Variants in ASCC3 observed in about 807,000 individuals in gnomAD.
The protein encoded by ASCC3 is activating signal cointegrator 1 complex subunit 3.
ASCC3 carries 158 observed loss-of-function variants against 256.3 expected under a neutral mutation model. The observed-to-expected ratio is 0.62, with a 90% CI of 0.54 to 0.70. ASCC3 has a LOEUF of 0.70. Ranked by LOEUF, ASCC3 falls within the 30% of genes least tolerant of loss-of-function variation. ASCC3 has a pLI of 0.00. For missense variants in ASCC3, 2,259 were observed against 2,626.0 expected (o/e 0.86, Z 3.05); for synonymous variants, 948 against 883.4 (o/e 1.07, Z -1.30).
At chr6:100,571,993 G>C (rs1770614466) in intron 36 of ASCC3, among the ~76,000 whole-genome samples, 2 of 152,184 alleles carry the variant, frequency 1.3e-5, no homozygotes, top group African/African-American at 2.4e-5. Flanking sequence ...CACCACAAAA[G>C]ATATAGCTCT....
chr6:100,540,390 G>T lies in ASCC3; in HGVS notation c.5551-3C>A. On this transcript the variant is annotated splice_polypyrimidine_tract_variant and splice_region_variant and intron_variant, in intron 36 of 41. Transcript: ENST00000369162. The stretch of plus-strand genomic sequence containing the variant: ...AAATCTGTATATTCTTCTGCATCCT[G>T]AAAAAAAAAAAAAGCCCCACATTGT... The T allele has an allele frequency of 6.0e-6, 8 of 1,327,140 alleles. No homozygotes were observed. The highest frequency in any genetic ancestry group is 2.0e-5 in the Admixed American group (1 of 51,188). 82.2% of individuals were successfully genotyped at this position (1,327,140 alleles called of 1,614,324 possible). A position where few individuals can be genotyped will look rare whatever the true frequency, so the allele number is the denominator to read the frequency against.
At chr6:100,695,994 AG>A (rs755129322) in intron 13 of ASCC3, among the ~76,000 whole-genome samples, 94 of 152,286 alleles carry the variant, frequency 6.2e-4, no homozygotes, top group Non-Finnish European at 1.1e-3. Flanking sequence ...CTTATTTAAC[AG>A]GTCTCTGACT....
chr6:100,867,929 A>G lies in ASCC3; in HGVS notation c.69T>C (p.Asn23=), dbSNP rs148255143. The G allele has an allele frequency of 3.1e-6, 5 of 1,613,548 alleles. No homozygotes were observed. The highest frequency in any genetic ancestry group is 2.2e-5 in the East Asian group (1 of 44,836). ...CTACCTTTAAGTCAGCCACTTCTTC[A>G]TTATAATTATCTTGCTTGGTGACAT... ...FSNVTKQDNY[N]EEVADLKIKR... Residue 23 remains asparagine (N), a synonymous_variant, in exon 2 of 42, where the codon AAT becomes AAC. Coordinates refer to ENST00000369162, the MANE Select transcript of ASCC3 (RefSeq NM_006828.4).
At chr6:100,758,402 T>C (rs1781284073) in intron 10 of ASCC3, among the ~76,000 whole-genome samples, 1 of 152,036 alleles carries the variant, frequency 6.6e-6, no homozygotes, top group African/African-American at 2.4e-5. Context: ...CTGGTGTGTG[T>C]TGTTCCCCTC....
chr6:100,825,273 ATTTTTTT>A (rs71028036), intron 4 of ASCC3, among the ~76,000 whole-genome samples: 2 of 141,360 alleles, frequency 1.4e-5, no homozygotes, highest in East Asian at 4.2e-4. Flanking sequence ...TTCTTTTGTG[ATTTTTTT>A]TTTTTTTTTT....
intron 14 of ASCC3, among the ~76,000 whole-genome samples, chr6:100,665,525 C>A (rs1776421533): frequency 6.6e-6 from 1 of 151,744 alleles, no homozygotes; most frequent in South Asian, 2.1e-4. Flanking sequence ...GAGATGAAGA[C>A]CATCCTGGCT....
intron 35 of ASCC3, 53 bp downstream of exon 35, chr6:100,589,895 T>C (rs1269476004): frequency 2.4e-5 from 39 of 1,592,080 alleles, no homozygotes; most frequent in Non-Finnish European, 2.3e-5. Context: ...GCAAAAGACC[T>C]GTCAAAAAGC....
At chr6:100,697,020 C>G (rs890640467) in intron 13 of ASCC3, among the ~76,000 whole-genome samples, 1 of 152,002 alleles carries the variant, frequency 6.6e-6, no homozygotes, top group Admixed American at 6.6e-5. Context: ...TTTAAATCAG[C>G]TTGATCTATG....
intron 33 of ASCC3, among the ~76,000 whole-genome samples, chr6:100,605,305 T>A (rs776284649): frequency 7.2e-5 from 11 of 152,160 alleles, no homozygotes; most frequent in Admixed American, 1.3e-4. Context: ...AAGTAAATGG[T>A]AGAGCTCAGA....
At chr6:100,575,712 G>A (rs1875401) in intron 36 of ASCC3, among the ~76,000 whole-genome samples, 66,464 of 151,764 alleles carry the variant, frequency 0.44, 14,818 homozygotes, top group South Asian at 0.62. Flanking sequence ...CCGAGTGTAC[G>A]TTATAAAAAT....
At chr6:100,554,612 T>C (rs1769476204) in intron 36 of ASCC3, among the ~76,000 whole-genome samples, 1 of 152,194 alleles carries the variant, frequency 6.6e-6, no homozygotes. Context: ...TTCTGAGGCG[T>C]TAAAACAAAC....
intron 34 of ASCC3, among the ~76,000 whole-genome samples, chr6:100,598,664 G>C (rs1772439133): frequency 6.6e-6 from 1 of 152,050 alleles, no homozygotes; most frequent in African/African-American, 2.4e-5. Flanking sequence ...TGGGACCCCT[G>C]TTCTGACCCG....
At chr6:100,841,758 T>C (rs954063235) in intron 4 of ASCC3, among the ~76,000 whole-genome samples, 2 of 152,050 alleles carry the variant, frequency 1.3e-5, no homozygotes, top group African/African-American at 2.4e-5. Flanking sequence ...TAGGAGTTGA[T>C]GCCTATGACT....
At chr6:100,778,049 A>G (rs1377458826) in intron 8 of ASCC3, among the ~76,000 whole-genome samples, 1 of 151,874 alleles carries the variant, frequency 6.6e-6, no homozygotes, top group Non-Finnish European at 1.5e-5. Context: ...AACCCAGGCT[A>G]TCTCTTCGAG....
At chr6:100,752,386 G>C (rs1780980366) in intron 10 of ASCC3, among the ~76,000 whole-genome samples, 1 of 152,002 alleles carries the variant, frequency 6.6e-6, no homozygotes, top group South Asian at 2.1e-4. Context: ...AGTTAGACTA[G>C]AAATTATATA....
chr6:100,843,879 C>T (rs974760321), intron 4 of ASCC3, among the ~76,000 whole-genome samples: 10 of 151,758 alleles, frequency 6.6e-5, no homozygotes, highest in Admixed American at 6.6e-4. Flanking sequence ...ATAAGGTATA[C>T]ACCTAAATAA....
chr6:100,587,890 G>GT (rs766735967), intron 36 of ASCC3, among the ~76,000 whole-genome samples: 76 of 151,916 alleles, frequency 5.0e-4, no homozygotes, highest in Admixed American at 1.4e-3. Context: ...GGATTTTAAG[G>GT]TTTTTTTTGG....
intron 8 of ASCC3, among the ~76,000 whole-genome samples, chr6:100,767,781 T>C (rs1002024633): frequency 4.0e-5 from 6 of 151,302 alleles, no homozygotes; most frequent in African/African-American, 1.5e-4. Context: ...GCTAATTTTT[T>C]TTTTTTTTGT....
rs973278351 is a variant in ASCC3 at position 100,829,486 on chromosome 6, G to A, written c.801+18662C>T. On this transcript the variant is annotated intron_variant, in intron 4 of 41. Coordinates refer to ENST00000369162, the MANE Select transcript of ASCC3 (RefSeq NM_006828.4). ...GGGGCTCGCCAGCCGTTCTGAGTGC[G>A]GGGCCCACCGAGCCCACGCTCACAT... is the stretch of plus-strand genomic sequence containing the variant. Among the ~76,000 whole-genome samples the A allele has an allele frequency of 5.9e-5, 9 of 152,130 alleles. No individual in the cohort carries two copies. The East Asian group carries it at 9.7e-4, about 16-fold the overall frequency.
Sources: allele counts gnomAD v4.1 joint callset (sites outside exome capture counted in the v4.1 genomes callset), GRCh38; gene constraint gnomAD v4.1.1; transcripts MANE v1.5; gene names NCBI Gene and HGNC (gene_info 2026-07-23, HGNC 2026-07-21).